Variants in ZNF385B observed in about 807,000 individuals in gnomAD.
The protein encoded by ZNF385B is zinc finger protein 385B, also known as zinc finger protein 533.
Under a neutral mutation model 39.2 loss-of-function variants are expected in ZNF385B, and 23 were observed. The observed-to-expected ratio is 0.59, with a 90% CI of 0.42 to 0.83. The LOEUF is 0.83. Among genes scored for constraint, ZNF385B ranks in the 40% least tolerant of loss-of-function variants. The probability of loss-of-function intolerance (pLI) is 0.00; values close to 1 mark genes in which losing one functional copy is unlikely to be tolerated. For synonymous variants in ZNF385B, 205 were observed against 222.6 expected (o/e 0.92, Z 0.70); for missense variants, 552 against 598.9 (o/e 0.92, Z 0.82).
At chr2:179,686,853 C>T (rs993706430) in intron 3 of ZNF385B, among the ~76,000 whole-genome samples, 1 of 151,964 alleles carries the variant, frequency 6.6e-6, no homozygotes, top group African/African-American at 2.4e-5. Context: ...TAGAAAATTA[C>T]CTGAACTCTA....
chr2:179,600,416 T>C (rs1688324448), intron 3 of ZNF385B, among the ~76,000 whole-genome samples: 1 of 152,182 alleles, frequency 6.6e-6, no homozygotes, highest in Admixed American at 6.5e-5. Context: ...TGCTGACAAG[T>C]TTGACAATAA....
chr2:179,596,571 AG>A (rs1450973591), intron 3 of ZNF385B, among the ~76,000 whole-genome samples: 1 of 152,146 alleles, frequency 6.6e-6, no homozygotes, highest in African/African-American at 2.4e-5. Context: ...AACATTCTTA[AG>A]GTTTACTGAA....
At chr2:179,600,994 G>C (rs1015923465) in intron 3 of ZNF385B, among the ~76,000 whole-genome samples, 3 of 152,110 alleles carry the variant, frequency 2.0e-5, no homozygotes, top group African/African-American at 7.2e-5. Context: ...AAATATATGT[G>C]GATAGAAAAG....
chr2:179,615,575 C>T (rs771920167), intron 3 of ZNF385B, among the ~76,000 whole-genome samples: 2 of 152,176 alleles, frequency 1.3e-5, no homozygotes, highest in Non-Finnish European at 2.9e-5. Context: ...GCTCTAGAAT[C>T]TAGAGATAAA....
chr2:179,528,124 C>T (rs2059028940), intron 4 of ZNF385B, among the ~76,000 whole-genome samples: 1 of 152,132 alleles, frequency 6.6e-6, no homozygotes, highest in Non-Finnish European at 1.5e-5. Flanking sequence ...GAAGTTGATA[C>T]AGAATCCAGA....
intron 4 of ZNF385B, among the ~76,000 whole-genome samples, chr2:179,528,549 C>G (rs1190513929): frequency 6.6e-6 from 1 of 152,056 alleles, no homozygotes; most frequent in Non-Finnish European, 1.5e-5. Context: ...CTTTTAGAAC[C>G]ATAAGGAGTT....
At chr2:179,591,384 G>T (rs1165149899) in intron 3 of ZNF385B, among the ~76,000 whole-genome samples, 2 of 151,912 alleles carry the variant, frequency 1.3e-5, no homozygotes, top group African/African-American at 4.8e-5. Context: ...ATTGACCAAG[G>T]AAATACAGAG....
chr2:179,661,043 C>A (rs1023739318), intron 3 of ZNF385B, among the ~76,000 whole-genome samples: 1 of 152,108 alleles, frequency 6.6e-6, no homozygotes, highest in African/African-American at 2.4e-5. Context: ...TTCTATATTT[C>A]TCTATTCCTT....
chr2:179,797,484 T>C (rs1158136685), intron 1 of ZNF385B, among the ~76,000 whole-genome samples: 2 of 152,224 alleles, frequency 1.3e-5, no homozygotes, highest in African/African-American at 4.8e-5. Context: ...TTCATCTGCA[T>C]GTTTTTCCCC....
At chr2:179,492,253 A>G (rs772919558) in intron 5 of ZNF385B, among the ~76,000 whole-genome samples, 2 of 152,188 alleles carry the variant, frequency 1.3e-5, no homozygotes, top group Admixed American at 6.5e-5. Flanking sequence ...GAGTACTGCT[A>G]TCTTTCAGTG....
chr2:179,767,932 T>C (rs1298750567), intron 3 of ZNF385B, among the ~76,000 whole-genome samples: 2 of 148,222 alleles, frequency 1.3e-5, no homozygotes, highest in African/African-American at 2.5e-5. Context: ...ATTAATAATA[T>C]AATATTATAT....
chr2:179,858,670 G>T (rs761839122), intron 1 of ZNF385B, among the ~76,000 whole-genome samples: 13 of 151,938 alleles, frequency 8.6e-5, no homozygotes, highest in Non-Finnish European at 1.8e-4. Context: ...ATAATGAAAC[G>T]GCGTGGAGGG....
chr2:179,796,714 G>C (rs936126739), intron 1 of ZNF385B, among the ~76,000 whole-genome samples: 1 of 152,072 alleles, frequency 6.6e-6, no homozygotes, highest in Non-Finnish European at 1.5e-5. Context: ...TGGGCAAAGA[G>C]TGCTGATCAA....
intron 3 of ZNF385B, among the ~76,000 whole-genome samples, chr2:179,669,756 A>G (rs143506820): frequency 1.3e-5 from 2 of 152,336 alleles, no homozygotes; most frequent in East Asian, 3.9e-4. Context: ...ATTTTCTGAA[A>G]TAATTATGTT....
At position 179,558,099 on chromosome 2, in the gene ZNF385B, C is replaced by T. The variant is rs113091308; in HGVS notation, c.299-13130G>A. Among the ~76,000 whole-genome samples the T allele has an allele frequency of 4.3e-3, 650 of 152,222 alleles. 5 individuals are homozygous for T. Among genetic ancestry groups the T allele is most frequent in the South Asian group, 0.014 (69 of 4,820 alleles). ...TATCACAATCACAACAACAAAAATGCTATCTGAGAAGACACATTTTTTCAA... is the reference window on the plus strand; with the variant it reads ...TATCACAATCACAACAACAAAAATGTTATCTGAGAAGACACATTTTTTCAA... On this transcript the variant is annotated intron_variant, in intron 3 of 9. Transcript: ENST00000410066.
chr2:179,819,103 T>C (rs1311883552), intron 1 of ZNF385B, among the ~76,000 whole-genome samples: 2 of 151,622 alleles, frequency 1.3e-5, no homozygotes, highest in Non-Finnish European at 2.9e-5. Flanking sequence ...GAACTTAATG[T>C]CACCTTGCTT....
At chr2:179,596,678 A>G (rs1391165848) in intron 3 of ZNF385B, among the ~76,000 whole-genome samples, 2 of 152,194 alleles carry the variant, frequency 1.3e-5, no homozygotes, top group Non-Finnish European at 2.9e-5. Context: ...GAGTTGTACA[A>G]CCACACCCTT....
At chr2:179,503,400 A>C (rs553941123) in intron 5 of ZNF385B, among the ~76,000 whole-genome samples, 1 of 152,376 alleles carries the variant, frequency 6.6e-6, no homozygotes, top group African/African-American at 2.4e-5. Flanking sequence ...CAATTTAATA[A>C]GAATTTACTG....
chr2:179,631,144 C>T (rs1691170486), intron 3 of ZNF385B, among the ~76,000 whole-genome samples: 1 of 152,170 alleles, frequency 6.6e-6, no homozygotes, highest in Admixed American at 6.5e-5. Flanking sequence ...GGCAGGCCAA[C>T]ATTCAAATTC....
Sources: allele counts gnomAD v4.1 joint callset (sites outside exome capture counted in the v4.1 genomes callset), GRCh38; gene constraint gnomAD v4.1.1; transcripts MANE v1.5; gene names NCBI Gene and HGNC (gene_info 2026-07-23, HGNC 2026-07-21).